PCDHGA1: variants seen among roughly 807,000 people sequenced by gnomAD.
PCDHGA1 encodes the protein protocadherin gamma-A1.
Under a neutral mutation model 58.0 loss-of-function variants are expected in PCDHGA1, and 32 were observed. The observed-to-expected ratio is 0.55, with a 90% CI of 0.42 to 0.74. The LOEUF is 0.74. Ranked by LOEUF, PCDHGA1 falls within the 30% of genes least tolerant of loss-of-function variation. The pLI, the probability that PCDHGA1 is intolerant of heterozygous loss-of-function variation, is 0.00. For missense variants in PCDHGA1, 1,205 were observed against 1,182.3 expected, an observed-to-expected ratio of 1.02 and a Z score of -0.28; for synonymous variants, 498 against 501.1, an observed-to-expected ratio of 0.99 and a Z score of 0.08.
At chr5:141,362,567 ATTAAT>A in intron 1 of PCDHGA1, 1 of 1,607,936 alleles carries the variant, frequency 6.2e-7, no homozygotes, top group Non-Finnish European at 8.5e-7. Context: ...GTGAGCTTTA[ATTAAT>A]TTATTTTCAC....
chr5:141,340,215 T>A (rs1468011739), intron 1 of PCDHGA1: 1 of 1,614,122 alleles, frequency 6.2e-7, no homozygotes, highest in East Asian at 2.2e-5. Flanking sequence ...AGGGAACAGT[T>A]TTCCTTTTAC....
chr5:141,460,959 A>G (rs892536901), intron 1 of PCDHGA1, among the ~76,000 whole-genome samples: 2 of 126,082 alleles, frequency 1.6e-5, no homozygotes, highest in African/African-American at 7.1e-5. Context: ...ATGTATATAT[A>G]TATGTGTGTG....
chr5:141,352,628 GA>G (rs1561503837), intron 1 of PCDHGA1: 4 of 1,611,516 alleles, frequency 2.5e-6, no homozygotes, highest in Non-Finnish European at 3.4e-6. Flanking sequence ...TGCCAGTAAT[GA>G]AGATCACAAA....
rs2099425622 is a variant in PCDHGA1, at chr5:141,477,947, T to C, written c.2422-16860T>C. Reference sequence around the variant, plus strand: ...CAATGCCTGGCTCTCCTACAGTCTCTTGGGATCCCCTAACCAGAGCCTTTT... The same window carrying C: ...CAATGCCTGGCTCTCCTACAGTCTCCTGGGATCCCCTAACCAGAGCCTTTT... On this transcript the variant is annotated intron_variant, in intron 1 of 3. Coordinates refer to ENST00000517417, the MANE Select transcript of PCDHGA1 (RefSeq NM_018912.3). The surrounding 1 kb of genome is among the most constrained non-coding windows in gnomAD (Gnocchi z 4.9). 1.9e-6 allele frequency: 3 copies of C among 1,614,132 alleles called. No homozygotes were observed. Among genetic ancestry groups the C allele is most frequent in the Non-Finnish European group, 2.5e-6 (3 of 1,180,018 alleles).
rs747671382 is a variant in PCDHGA1, at chr5:141,444,152, A to ATTTT, written c.2422-50622_2422-50619dup. Among the ~76,000 whole-genome samples the ATTTT allele has an allele frequency of 5.0e-4, 17 of 33,898 alleles. 5 individuals carry two copies. Among genetic ancestry groups the ATTTT allele is most frequent in the African/African-American group, 7.0e-4 (5 of 7,184 alleles). 22.2% of individuals were successfully genotyped at this position (33,898 alleles called of 152,430 possible). ...GATATGTGTCACTTGTGTGTACTGG[A>ATTTT]TTTTTTTTTTTTTTTTTTTTTTTTT... On this transcript the variant is annotated intron_variant, in intron 1 of 3. Transcript: ENST00000517417.
chr5:141,360,965 T>C lies in PCDHGA1; in HGVS notation c.2421+27860T>C, dbSNP rs780001160. 1.4e-5 allele frequency: 23 copies of C among 1,613,904 alleles called. 1 individual carries two copies. The highest frequency in any genetic ancestry group is 1.3e-4 in the South Asian group (12 of 91,086). ...CGGGATGAAGGCATAAACGCAGAGA[T>C]CACCTACTCCTTTCATAATGTGGAC... On this transcript the variant is annotated intron_variant, in intron 1 of 3. Coordinates refer to ENST00000517417, the MANE Select transcript of PCDHGA1 (RefSeq NM_018912.3).
intron 1 of PCDHGA1, chr5:141,389,470 C>T (rs776427212): frequency 1.2e-6 from 2 of 1,613,240 alleles, no homozygotes; most frequent in East Asian, 2.2e-5. Context: ...TTCGAACTCA[C>T]ACTGCAGGCC....
chr5:141,365,658 C>T, intron 1 of PCDHGA1: 1 of 1,613,440 alleles, frequency 6.2e-7, no homozygotes, highest in Non-Finnish European at 8.5e-7. Context: ...TTGAAAGTAG[C>T]AGACGTTAAT....
In PCDHGA1 at chr5:141,372,299, G is replaced by T. The variant is rs35459734; in HGVS notation, c.2421+39194G>T. The stretch of plus-strand genomic sequence containing the variant: ...GCACGGCGCGTACCTTGGGCGACAG[G>T]GAGGCCGCCCGCCAGCGCCTGCTGG... On this transcript the variant is annotated intron_variant, in intron 1 of 3. Coordinates refer to ENST00000517417, the MANE Select transcript of PCDHGA1 (RefSeq NM_018912.3). The T allele has an allele frequency of 1.9e-3, 2,997 of 1,613,318 alleles. 22 individuals are homozygous for T. Among genetic ancestry groups the T allele is most frequent in the African/African-American group, 0.017 (1,313 of 75,058 alleles).
At chr5:141,498,971 G>A (rs866066098) in intron 2 of PCDHGA1, among the ~76,000 whole-genome samples, 16 of 111,052 alleles carry the variant, frequency 1.4e-4, no homozygotes, top group African/African-American at 2.5e-4. Context: ...GAGGGAGGGA[G>A]GGAAGGAAGG....
intron 1 of PCDHGA1, among the ~76,000 whole-genome samples, chr5:141,354,139 A>G (rs539283050): frequency 1.3e-5 from 2 of 152,336 alleles, no homozygotes; most frequent in Admixed American, 1.3e-4. Context: ...GTAAAATAAT[A>G]CTGAATGTGT....
In PCDHGA1 at chr5:141,476,432, G is replaced by A. The variant is rs139089802; in HGVS notation, c.2422-18375G>A. 15 of 1,614,116 alleles carry A rather than the reference G, an allele frequency of 9.3e-6. No individual in the cohort carries two copies. The East Asian group carries it at 3.3e-4, about 36-fold the overall frequency. Reference sequence around the variant, plus strand: ...GTGTGGGACACTGCCCTCTTGCACTGTAACTCTGGAGTTGGTAGTGGAGAA... The same window carrying A: ...GTGTGGGACACTGCCCTCTTGCACTATAACTCTGGAGTTGGTAGTGGAGAA... On this transcript the variant is annotated intron_variant, in intron 1 of 3. Coordinates refer to ENST00000517417, the MANE Select transcript of PCDHGA1 (RefSeq NM_018912.3). The surrounding 1 kb of genome is among the most constrained non-coding windows in gnomAD (Gnocchi z 7.6).
chr5:141,383,095 A>G, intron 1 of PCDHGA1: 1 of 1,613,956 alleles, frequency 6.2e-7, no homozygotes, highest in Non-Finnish European at 8.5e-7. Context: ...CGGAGTCCGC[A>G]TCATCTCCAG....
chr5:141,383,987 G>A (rs773186043), intron 1 of PCDHGA1: 70 of 1,613,612 alleles, frequency 4.3e-5, no homozygotes, highest in Admixed American at 3.3e-5. Context: ...ACACCTCTTG[G>A]GACAGTCATT....
At chr5:141,422,729 C>G (rs1352451042) in intron 1 of PCDHGA1, 1 of 1,606,960 alleles carries the variant, frequency 6.2e-7, no homozygotes, top group South Asian at 1.1e-5. Flanking sequence ...CAGGGGGTGC[C>G]TCTGTCCTCC....
At chr5:141,480,745 C>T (rs528415324) in intron 1 of PCDHGA1, among the ~76,000 whole-genome samples, 1 of 152,278 alleles carries the variant, frequency 6.6e-6, no homozygotes, top group Non-Finnish European at 1.5e-5. Flanking sequence ...ACATAGGCAT[C>T]ATTTTTTGAA....
intron 1 of PCDHGA1, chr5:141,384,587 T>C: frequency 6.2e-7 from 1 of 1,614,218 alleles, no homozygotes; most frequent in Non-Finnish European, 8.5e-7. Flanking sequence ...CCCGAGATCC[T>C]GTACCCGGCC....
Position 141,334,444 on chromosome 5 carries a change from GCCTGCGA to G in PCDHGA1, c.2421+1341_2421+1347del, listed in dbSNP as rs1561475145. 2.1e-5 allele frequency: 3 copies of G among 145,098 alleles called. No individual in the cohort carries two copies. Among genetic ancestry groups the G allele is most frequent in the African/African-American group, 7.6e-5 (3 of 39,326 alleles). 9.0% of individuals were successfully genotyped at this position (145,098 alleles called of 1,614,324 possible). On this transcript the variant is annotated intron_variant, in intron 1 of 3. Transcript: ENST00000517417. This position sits in a 1 kb window ranked among gnomAD's most constrained non-coding sequence, Gnocchi z 4.6. ...AGTTCAAGACCAGCCGGACAGGGCGGCCTGCGACTGTAGTCCCAGCTACGCGGGGCGG... is the reference window on the plus strand; with the variant it reads ...AGTTCAAGACCAGCCGGACAGGGCGGCTGTAGTCCCAGCTACGCGGGGCGG...
In PCDHGA1 at chr5:141,505,438, T is replaced by C. The variant is rs149352680; in HGVS notation, c.2526T>C (p.Phe842=). The C allele has an allele frequency of 6.8e-6, 11 of 1,614,046 alleles. No homozygotes were observed. The African/African-American group carries it at 1.5e-4, about 22-fold the overall frequency. The stretch of plus-strand genomic sequence containing the variant: ...CCGGCACCTGGCCCAACAACCAGTT[T>C]GACACAGAGATGCTGCAAGCCATGA... ...DDTGTWPNNQ[F]DTEMLQAMIL... Residue 842 remains phenylalanine, a synonymous_variant, in exon 3 of 4, where the codon TTT becomes TTC. Transcript: ENST00000517417.
Sources: allele counts gnomAD v4.1 joint callset (sites outside exome capture counted in the v4.1 genomes callset), GRCh38; gene constraint gnomAD v4.1.1; non-coding constraint Gnocchi (gnomAD v3.1); transcripts MANE v1.5; gene names NCBI Gene and HGNC (gene_info 2026-07-23, HGNC 2026-07-21).